The following SEMA4B variants were observed in gnomAD, a reference collection of about 807,000 sequenced individuals.
SEMA4B encodes semaphorin-4B.
A neutral mutation model predicts 88.1 loss-of-function variants in SEMA4B; 55 were observed. That is an observed-to-expected ratio of 0.62 (90% CI 0.50 to 0.78). SEMA4B has a LOEUF of 0.78. Among genes scored for constraint, SEMA4B ranks in the 30% least tolerant of loss-of-function variants. The probability of loss-of-function intolerance (pLI) is 0.00; values close to 1 mark genes in which losing one functional copy is unlikely to be tolerated. For missense variants in SEMA4B, 1,062 were observed against 1,111.9 expected (o/e 0.96, Z 0.64); for synonymous variants, 525 against 473.6 (o/e 1.11, Z -1.41).
chr15:90,221,290 G>T, intron 5 of SEMA4B, 77 bp from the exon 6 acceptor site: 1 of 1,326,396 alleles, frequency 7.5e-7, no homozygotes, highest in Non-Finnish European at 1.1e-6. Context: ...GGGCAGTGCT[G>T]GGGTCACTCT....
Position 90,228,424 on chromosome 15 carries a change from G to GC in SEMA4B, c.2300dup (p.Glu768Ter). On this transcript the variant is annotated frameshift_variant, in exon 14 of 14. Coordinates refer to ENST00000411539, the MANE Select transcript of SEMA4B (RefSeq NM_198925.4). LOFTEE classifies it high-confidence loss of function. ...ACCCCAAGACCTGCCCTGTGGTGCT[G>GC]CCCCCTGAGACCCGCCCACTCAACG... 1.2e-6 allele frequency: 2 copies of GC among 1,606,458 alleles called. No homozygotes were observed. The highest frequency in any genetic ancestry group is 1.7e-5 in the Admixed American group (1 of 59,142).
rs1241665824 is a variant in SEMA4B at position 90,225,025 on chromosome 15, C to T, written c.1252C>T (p.Arg418Cys). ...CAACTCATCCCTGCAGCTCCCAGAC[C>T]GCGTGCTGAACTTCCTCAAGGACCA... ...KINSSLQLPD[R>C]VLNFLKDHFL... Residue 418 changes from arginine (R) to cysteine (C), a missense_variant, in exon 10 of 14, where the codon CGC (arginine) becomes TGC (cysteine). By Grantham distance (180) the Arg-to-Cys change is radical. Transcript: ENST00000411539. The T allele has an allele frequency of 3.7e-6, 6 of 1,613,958 alleles. No homozygotes were observed. The highest frequency in any genetic ancestry group is 5.1e-6 in the Non-Finnish European group (6 of 1,179,862).
rs577101704 is a variant in SEMA4B, at chr15:90,225,428, G to A, written c.1521+31G>A. 8.4e-6 allele frequency: 13 copies of A among 1,538,730 alleles called. No individual in the cohort carries two copies. In the East Asian group the frequency reaches 2.7e-4, roughly 32 times the overall value. The stretch of plus-strand genomic sequence containing the variant: ...CAGGCCAACGAGGAATCCTGGCAGG[G>A]TACTTGGGGGGTGCCCTCCATTAGC... On this transcript the variant is annotated intron_variant, in intron 11 of 13. Coordinates refer to ENST00000411539, the MANE Select transcript of SEMA4B (RefSeq NM_198925.4).
intron 1 of SEMA4B, among the ~76,000 whole-genome samples, chr15:90,202,225 C>T (rs952458904): frequency 1.3e-5 from 2 of 152,264 alleles, no homozygotes; most frequent in Non-Finnish European, 2.9e-5. Context: ...CCATCCCTGG[C>T]TTGCCAGTGC....
chr15:90,217,781 A>G lies in SEMA4B; in HGVS notation c.336A>G (p.Ala112=). The part of the protein sequence containing the change: ...GGEYQELLWG[A]DAEKKQQCSF... Reference sequence around the variant, plus strand: ...TCATTCCCCAGCTGCTTTGGGGTGCAGACGCAGAGAAGAAACAGCAGTGCA... The same window carrying G: ...TCATTCCCCAGCTGCTTTGGGGTGCGGACGCAGAGAAGAAACAGCAGTGCA... Residue 112 remains alanine, a synonymous_variant, in exon 3 of 14, where the codon GCA becomes GCG. Coordinates refer to ENST00000411539, the MANE Select transcript of SEMA4B (RefSeq NM_198925.4). 1 of 1,613,594 alleles carries G rather than the reference A, an allele frequency of 6.2e-7. No individual in the cohort carries two copies. Among genetic ancestry groups the G allele is most frequent in the African/African-American group, 1.3e-5 (1 of 75,046 alleles).
intron 1 of SEMA4B, among the ~76,000 whole-genome samples, chr15:90,203,389 G>A (rs949433040): frequency 1.3e-5 from 2 of 152,272 alleles, no homozygotes; most frequent in Non-Finnish European, 2.9e-5. Flanking sequence ...GGTGAGATGG[G>A]GGCAGATGCT....
At position 90,228,796 on chromosome 15, in the gene SEMA4B, A is replaced by G; in HGVS notation, c.*153A>G. ...GGGGCCAGCTGGCCTGCTGCTCTCCAGTCAAGTAGCGAAGCTCCTACCACC... is the reference window on the plus strand; with the variant it reads ...GGGGCCAGCTGGCCTGCTGCTCTCCGGTCAAGTAGCGAAGCTCCTACCACC... On this transcript the variant is annotated 3_prime_UTR_variant, in exon 14 of 14. Transcript: ENST00000411539. 9.7e-7 allele frequency: 1 copy of G among 1,026,084 alleles called. No individual in the cohort carries two copies. The highest frequency in any genetic ancestry group is 1.7e-5 in the South Asian group (1 of 60,602). 63.6% of individuals were successfully genotyped at this position (1,026,084 alleles called of 1,614,324 possible).
At position 90,227,634 on chromosome 15, in the gene SEMA4B, T is replaced by A. The variant is rs1487371127; in HGVS notation, c.1766T>A (p.Val589Glu). 1 of 1,613,964 alleles carries A rather than the reference T, an allele frequency of 6.2e-7. No homozygotes were observed. Among genetic ancestry groups the A allele is most frequent in the East Asian group, 2.2e-5 (1 of 44,884 alleles). Residue 589 changes from valine (V) to glutamate (E), a missense_variant, in exon 13 of 14, where the codon GTA becomes GAA. Val to Glu is a moderately radical substitution (Grantham distance 121). Transcript: ENST00000411539. ...SASSVVSPSFVPTGEKPCEQV... is the reference protein window; with the variant it reads ...SASSVVSPSFEPTGEKPCEQV... The stretch of plus-strand genomic sequence containing the variant: ...TCTTCGGTTGTGTCCCCGTCTTTTG[T>A]ACCAACAGGTGAGGTGCCCCCTCAA...
At chr15:90,198,984 C>A (rs1054663159), upstream of SEMA4B, among the ~76,000 whole-genome samples, 3 of 152,214 alleles carry the variant, frequency 2.0e-5, no homozygotes, top group Non-Finnish European at 4.4e-5. Context: ...AGCAATTCTC[C>A]TGCCTCAGCC....
chr15:90,227,316 G>T lies in SEMA4B; in HGVS notation c.1689-241G>T, dbSNP rs142710468. On this transcript the variant is annotated intron_variant, in intron 12 of 13. Coordinates refer to ENST00000411539, the MANE Select transcript of SEMA4B (RefSeq NM_198925.4). ...CCGGCCTTGGCCTCCCAAAGTGCTG[G>T]GATTACAGGCGTGGGCCACCATGCC... The T allele has an allele frequency of 9.9e-3, 4,804 of 486,984 alleles. 204 individuals are homozygous for T. The highest frequency in any genetic ancestry group is 0.084 in the African/African-American group (4,317 of 51,110). The allele number at this position is 486,984 out of a possible 1,614,324, so 30.2% of individuals were successfully genotyped here.
Position 90,192,244 on chromosome 15 carries a change from C to G in SEMA4B, c.-122+7163C>G, listed in dbSNP as rs541786086. ...TGGGCTTGGCAGGAGGCCCCTCCCC[C>G]ACAGCCAGCAAACAAAGCAACAACT... is the stretch of plus-strand genomic sequence containing the variant. On this transcript the variant is annotated intron_variant, in intron 1 of 14. Coordinates refer to the SEMA4B transcript ENST00000332496. 1.4e-4 allele frequency among the ~76,000 whole-genome samples: 22 copies of G among 152,360 alleles called. No homozygotes were observed. In the East Asian group the frequency reaches 3.1e-3, roughly 21 times the overall value.
At chr15:90,185,244 C>T (rs1303142569) in intron 1 of SEMA4B, among the ~76,000 whole-genome samples, 6 of 152,248 alleles carry the variant, frequency 3.9e-5, no homozygotes, top group African/African-American at 1.4e-4. Flanking sequence ...GGCACTGGGG[C>T]CCGCCGCCCG....
rs1318846372 is a variant in SEMA4B at position 90,224,909 on chromosome 15, C to CG, written c.1195-58dup. 10 of 1,437,116 alleles carry CG rather than the reference C, an allele frequency of 7.0e-6. No homozygotes were observed. In the Admixed American group the frequency reaches 8.4e-5, roughly 12 times the overall value. The allele number at this position is 1,437,116 out of a possible 1,614,324, so 89.0% of individuals were successfully genotyped here. ...TACTGTCCACTGGGGAAGCAGGGCC[C>CG]GCATCCTGCCTGCCACCCCGAGGTG... On this transcript the variant is annotated intron_variant, in intron 9 of 13. Coordinates refer to ENST00000411539, the MANE Select transcript of SEMA4B (RefSeq NM_198925.4).
intron 1 of SEMA4B, among the ~76,000 whole-genome samples, chr15:90,204,687 C>T (rs1194039545): frequency 2.6e-5 from 4 of 152,196 alleles, no homozygotes; most frequent in Admixed American, 2.6e-4. Context: ...GCTTCCCAGC[C>T]TGGCCACGTG....
chr15:90,225,155 A>G lies in SEMA4B; in HGVS notation c.1382A>G (p.Tyr461Cys). The G allele has an allele frequency of 6.2e-7, 1 of 1,609,594 alleles. No homozygotes were observed. Residue 461 changes from tyrosine to cysteine, a missense_variant, in exon 10 of 14, where the codon TAC (tyrosine) becomes TGC (cysteine). Tyr to Cys is a radical substitution (Grantham distance 194, BLOSUM62 -2). Coordinates refer to ENST00000411539, the MANE Select transcript of SEMA4B (RefSeq NM_198925.4). ...VHRVPGLHHTYDVLFLGTGDG... is the reference protein window; with the variant it reads ...VHRVPGLHHTCDVLFLGTGDG... ...CGCGTCCCTGGCCTGCACCACACCT[A>G]CGATGTCCTCTTCCTGGGCACTGGT...
Position 90,228,378 on chromosome 15 carries a change from A to AG in SEMA4B, c.2254dup (p.Glu752GlyfsTer17). ...AACAGCATGAAAGTCTTCCTGAAGC[A>AG]GGGGGAATGTGCCAGCGTGCACCCC... On this transcript the variant is annotated frameshift_variant, in exon 14 of 14. Transcript: ENST00000411539. LOFTEE classifies it high-confidence loss of function. 1.3e-6 allele frequency: 2 copies of AG among 1,599,762 alleles called. No individual in the cohort carries two copies. The highest frequency in any genetic ancestry group is 1.7e-6 in the Non-Finnish European group (2 of 1,172,700).
intron 1 of SEMA4B, chr15:90,215,052 G>A (rs759485290): frequency 2.6e-4 from 319 of 1,206,186 alleles, no homozygotes; most frequent in Non-Finnish European, 3.3e-4. Context: ...TGTTTGTGTG[G>A]TCATAACCCA....
intron 1 of SEMA4B, among the ~76,000 whole-genome samples, chr15:90,204,647 T>G (rs1960904506): frequency 6.6e-6 from 1 of 151,816 alleles, no homozygotes; most frequent in South Asian, 2.1e-4. Flanking sequence ...GGAGCAGGAG[T>G]GGTGCTGAGT....
At chr15:90,221,795 C>A (rs765060197) in intron 7 of SEMA4B, 30 bp downstream of exon 7, 19 of 1,606,666 alleles carry the variant, frequency 1.2e-5, no homozygotes, top group Admixed American at 1.0e-4. Flanking sequence ...AGGGTGGCCA[C>A]CCCAGGGACC....
Sources: gnomAD v4.1 joint callset for allele counts (sites outside exome capture counted in the v4.1 genomes callset) on GRCh38, gnomAD v4.1.1 for gene constraint, MANE v1.5 for transcripts, NCBI Gene and HGNC (gene_info 2026-07-23, HGNC 2026-07-21) for gene names.